PECR: variants seen among roughly 807,000 people sequenced by gnomAD.
PECR encodes peroxisomal trans-2-enoyl-CoA reductase, also known as 2,4-dienoyl-CoA reductase-related protein.
In PECR, 30 loss-of-function variants were observed where a neutral mutation model predicts 35.3. The ratio of observed to expected loss-of-function variants is 0.85; its 90% CI spans 0.64 to 1.15. The LOEUF (loss-of-function observed/expected upper bound fraction) is 1.15. PECR is among the 50% of genes most tolerant of loss of function. The pLI, the probability that PECR is intolerant of heterozygous loss-of-function variation, is 0.00. For missense variants in PECR, 392 were observed against 370.8 expected (o/e 1.06, Z -0.47); for synonymous variants, 148 against 138.9 (o/e 1.07, Z -0.46).
At chr2:216,078,127 A>C (rs1053909624) in intron 1 of PECR, among the ~76,000 whole-genome samples, 3 of 151,988 alleles carry the variant, frequency 2.0e-5, no homozygotes, top group African/African-American at 7.2e-5. Flanking sequence ...AACAAAAAAC[A>C]GTGGCCTTCT....
chr2:216,075,513 T>C (rs1010425309), intron 1 of PECR, among the ~76,000 whole-genome samples: 6 of 152,238 alleles, frequency 3.9e-5, no homozygotes, highest in Admixed American at 6.5e-5. Flanking sequence ...AAACCTCTTA[T>C]GCTACCTTAT....
At chr2:216,073,414 ATTTAG>A (rs1695624736) in intron 1 of PECR, among the ~76,000 whole-genome samples, 1 of 152,116 alleles carries the variant, frequency 6.6e-6, no homozygotes, top group African/African-American at 2.4e-5. Flanking sequence ...TTTTTTATAA[ATTTAG>A]TTTAGCCTGT....
In PECR at chr2:216,065,385, T is replaced by C; in HGVS notation, c.351A>G (p.Glu117=). ...CGTGCCATCCCTTAGAACTGATGTG[T>C]TCAGCAGGGGAAAGAAACTGGCCTC... ...NGGGQFLSPA[E]HISSKGWHAV... is the part of the protein sequence containing the mutation. Residue 117 remains glutamate (E), a synonymous_variant, in exon 3 of 8, where the codon GAA becomes GAG. Transcript: ENST00000265322. 1 of 1,608,256 alleles carries C rather than the reference T, an allele frequency of 6.2e-7. No individual in the cohort carries two copies. The highest frequency in any genetic ancestry group is 8.5e-7 in the Non-Finnish European group (1 of 1,174,590).
intron 3 of PECR, among the ~76,000 whole-genome samples, chr2:216,061,126 T>A (rs376022870): frequency 1.3e-3 from 78 of 61,814 alleles, no homozygotes; most frequent in African/African-American, 4.7e-3. Flanking sequence ...ACCCCGGCTC[T>A]ACCAAAAAAA....
intron 7 of PECR, among the ~76,000 whole-genome samples, chr2:216,031,691 G>GAAAGAAAGAAAGAAGAAAGAAAGAA (rs1473248845): frequency 1.6e-5 from 1 of 61,102 alleles, no homozygotes; most frequent in Non-Finnish European, 3.3e-5. Context: ...AAGAAAGAAA[G>GAAAGAAAGAAAGAAGAAAGAAAGAA]AGAAAGAAAG....
intron 1 of PECR, among the ~76,000 whole-genome samples, chr2:216,076,900 TA>T (rs1198218608): frequency 6.6e-6 from 1 of 151,520 alleles, no homozygotes; most frequent in Admixed American, 6.6e-5. Flanking sequence ...ATTCCAATTT[TA>T]CTTTTTTTTT....
downstream of PECR, among the ~76,000 whole-genome samples, chr2:216,035,038 T>C (rs535568112): frequency 2.5e-4 from 38 of 152,206 alleles, no homozygotes; most frequent in Admixed American, 2.2e-3. Flanking sequence ...TGAAGTGGCA[T>C]TGCTCTTTAA....
At chr2:216,030,013 A>G (rs1403820999) in intron 7 of PECR, among the ~76,000 whole-genome samples, 1 of 152,180 alleles carries the variant, frequency 6.6e-6, no homozygotes, top group Non-Finnish European at 1.5e-5. Context: ...TCCCACTGTG[A>G]GCCCCATCTT....
At chr2:216,040,617 C>G (rs1489186624) in intron 7 of PECR, among the ~76,000 whole-genome samples, 1 of 152,092 alleles carries the variant, frequency 6.6e-6, no homozygotes, top group Non-Finnish European at 1.5e-5. Flanking sequence ...GCCTGTAATC[C>G]CAGCACTTTG....
intron 1 of PECR, among the ~76,000 whole-genome samples, chr2:216,078,659 T>C (rs1490587656): frequency 6.6e-6 from 1 of 151,650 alleles, no homozygotes; most frequent in Non-Finnish European, 1.5e-5. Context: ...TACAACAAAA[T>C]AATTGTGTAT....
In PECR at chr2:216,043,050, TAC is replaced by T. The variant is rs1694922833; in HGVS notation, c.826+852_826+853del. On this transcript the variant is annotated intron_variant, in intron 7 of 7. Coordinates refer to ENST00000265322, the MANE Select transcript of PECR (RefSeq NM_018441.6). ...GTATATATGTATGTGTATATATATA[TAC>T]ACATACGTATATATGTATGTATATA... Among the ~76,000 whole-genome samples, 4 of 130,186 alleles carry T rather than the reference TAC, an allele frequency of 3.1e-5. 1 individual carries two copies. The highest frequency in any genetic ancestry group is 1.2e-4 in the African/African-American group (4 of 34,400). 85.4% of individuals were successfully genotyped at this position (130,186 alleles called of 152,430 possible).
intron 1 of PECR, among the ~76,000 whole-genome samples, chr2:216,070,734 A>C (rs1328259038): frequency 6.6e-6 from 1 of 152,192 alleles, no homozygotes; most frequent in Non-Finnish European, 1.5e-5. Flanking sequence ...TATTGGGTAG[A>C]AAGAGCAGGG....
At chr2:216,051,388 T>G (rs1226177292) in intron 5 of PECR, 61 bp downstream of exon 5, 1 of 965,126 alleles carries the variant, frequency 1.0e-6, no homozygotes, top group East Asian at 2.5e-5. Flanking sequence ...TCTATCAACA[T>G]CACAAATGGA....
chr2:216,070,665 G>T (rs554112114), intron 1 of PECR, among the ~76,000 whole-genome samples: 1 of 152,168 alleles, frequency 6.6e-6, no homozygotes, highest in East Asian at 1.9e-4. Context: ...AGAAGAAGAG[G>T]GTTCCCTGCT....
At chr2:216,031,695 A>G (rs199640209) in intron 7 of PECR, among the ~76,000 whole-genome samples, 2,920 of 106,752 alleles carry the variant, frequency 0.027, 50 homozygotes, top group African/African-American at 0.068. Context: ...AAGAAAGAGA[A>G]AGAAAGAAAG....
At chr2:216,064,955 C>G (rs1158722186) in intron 3 of PECR, among the ~76,000 whole-genome samples, 1 of 152,122 alleles carries the variant, frequency 6.6e-6, no homozygotes, top group East Asian at 1.9e-4. Flanking sequence ...CTGGTATTCT[C>G]CCTGAATTTA....
At chr2:216,048,097 TAG>T (rs1236749290) in intron 6 of PECR, among the ~76,000 whole-genome samples, 1 of 151,710 alleles carries the variant, frequency 6.6e-6, no homozygotes, top group Non-Finnish European at 1.5e-5. Context: ...TTTTTTGAGA[TAG>T]AGTCTTGCTC....
rs546355135 is a variant in PECR, at chr2:216,081,630, G to C, written c.112C>G (p.Leu38Val). The change falls in exon 1 of 8, where the codon CTC becomes GTC. Residue 38 changes from leucine to valine, a missense_variant. Transcript: ENST00000265322. ...CCCGCTCACGTACCCAGCTCCAGGA[G>C]CTCCTTCACGATGGCTTTTCCGATG... ...TGIGKAIVKE[L>V]LELGSNVVIA... The C allele has an allele frequency of 1.0e-4, 166 of 1,613,736 alleles. No individual in the cohort carries two copies. The Middle Eastern group carries it at 2.8e-3, about 27-fold the overall frequency.
At chr2:216,065,519 T>C (rs975751215) in intron 2 of PECR, 42 bp from the exon 3 acceptor site, 18 of 1,213,986 alleles carry the variant, frequency 1.5e-5, no homozygotes, top group Non-Finnish European at 2.2e-5. Flanking sequence ...AAAAGTTTAA[T>C]AGCCTAACTT....
Sources: allele counts gnomAD v4.1 joint callset (sites outside exome capture counted in the v4.1 genomes callset), GRCh38; gene constraint gnomAD v4.1.1; transcripts MANE v1.5; gene names NCBI Gene and HGNC (gene_info 2026-07-23, HGNC 2026-07-21).